ADGRE1: variants seen among roughly 807,000 people sequenced by gnomAD.
ADGRE1 encodes the protein EGF-like module receptor 1.
Under a neutral mutation model 102.7 loss-of-function variants are expected in ADGRE1, and 82 were observed. The observed-to-expected ratio is 0.80, with a 90% CI of 0.67 to 0.96. The LOEUF (loss-of-function observed/expected upper bound fraction) is 0.96. Ranked by LOEUF, ADGRE1 falls within the 40% of genes least tolerant of loss-of-function variation. The pLI is 0.00. For synonymous variants in ADGRE1, 398 were observed against 399.6 expected (o/e 1.00, Z 0.05); for missense variants, 1,032 against 1,085.3 (o/e 0.95, Z 0.69).
At chr19:6,918,461 G>A (rs576900446) in intron 12 of ADGRE1, among the ~76,000 whole-genome samples, 1 of 152,038 alleles carries the variant, frequency 6.6e-6, no homozygotes, top group East Asian at 1.9e-4. Context: ...GAAGATGGGA[G>A]AGGAATTGCT....
chr19:6,936,034 A>G (rs1300086237), intron 18 of ADGRE1, among the ~76,000 whole-genome samples: 2 of 152,192 alleles, frequency 1.3e-5, no homozygotes, highest in East Asian at 3.8e-4. Flanking sequence ...AACTTCAGCA[A>G]CCATCATCTA....
chr19:6,929,197 G>C (rs1975043336), intron 17 of ADGRE1, among the ~76,000 whole-genome samples: 1 of 152,176 alleles, frequency 6.6e-6, no homozygotes, highest in African/African-American at 2.4e-5. Flanking sequence ...CAAGGAGTGA[G>C]TTTAAGAGCA....
chr19:6,917,159 A>T (rs907766971), intron 12 of ADGRE1, among the ~76,000 whole-genome samples: 4 of 98,028 alleles, frequency 4.1e-5, no homozygotes, highest in Non-Finnish European at 9.1e-5. Context: ...AACTTTATTT[A>T]AAAAAGTAGG....
At position 6,908,789 on chromosome 19, in the gene ADGRE1, T is replaced by A. The variant is rs1289599057; in HGVS notation, c.1122+17T>A. 1 of 1,594,796 alleles carries A rather than the reference T, an allele frequency of 6.3e-7. No homozygotes were observed. Among genetic ancestry groups the A allele is most frequent in the African/African-American group, 1.4e-5 (1 of 73,444 alleles). ...TCTCTGAAGGTAACGATTGGGTCTTTTAAATTGTGTTTTGAGTTTCAAACA... is the reference window on the plus strand; with the variant it reads ...TCTCTGAAGGTAACGATTGGGTCTTATAAATTGTGTTTTGAGTTTCAAACA... On this transcript the variant is annotated intron_variant, in intron 10 of 20. Coordinates refer to ENST00000312053, the MANE Select transcript of ADGRE1 (RefSeq NM_001974.5).
At chr19:6,900,591 T>G (rs1973731349) in intron 5 of ADGRE1, among the ~76,000 whole-genome samples, 1 of 152,232 alleles carries the variant, frequency 6.6e-6, no homozygotes, top group South Asian at 2.1e-4. Context: ...CTTGCCTTTT[T>G]CAGTCTTATT....
intron 17 of ADGRE1, among the ~76,000 whole-genome samples, chr19:6,928,824 C>T (rs1372150801): frequency 6.6e-6 from 1 of 151,908 alleles, no homozygotes; most frequent in Non-Finnish European, 1.5e-5. Flanking sequence ...ATCCCAGCTA[C>T]TCAGGAGGCT....
chr19:6,933,896 A>G (rs4527134), intron 17 of ADGRE1, among the ~76,000 whole-genome samples: 46,929 of 151,894 alleles, frequency 0.31, 8,839 homozygotes, highest in African/African-American at 0.54. Flanking sequence ...CTTGCTCAGG[A>G]ATGCTTTTGA....
chr19:6,936,943 A>G (rs1170778561), intron 18 of ADGRE1, among the ~76,000 whole-genome samples: 6 of 152,090 alleles, frequency 3.9e-5, no homozygotes, highest in African/African-American at 1.4e-4. Flanking sequence ...TTTTTAGTAG[A>G]GATGGGTTTT....
Position 6,921,884 on chromosome 19 carries a change from G to T in ADGRE1, c.1791+1G>T. ...TATCATGGCGTCTGGGGAGCTCACGGTCAGTACTGATGATTTGTTCCCTGA... is the reference window on the plus strand; with the variant it reads ...TATCATGGCGTCTGGGGAGCTCACGTTCAGTACTGATGATTTGTTCCCTGA... On this transcript the variant is annotated splice_donor_variant, in intron 14 of 20. Transcript: ENST00000312053. LOFTEE classifies it high-confidence loss of function. 2 of 1,611,174 alleles carry T rather than the reference G, an allele frequency of 1.2e-6. No individual in the cohort carries two copies. Among genetic ancestry groups the T allele is most frequent in the Non-Finnish European group, 1.7e-6 (2 of 1,178,674 alleles).
Position 6,911,912 on chromosome 19 carries a change from CACAT to C in ADGRE1, c.1123-1737_1123-1734del, listed in dbSNP as rs1170416724. On this transcript the variant is annotated intron_variant, in intron 10 of 20. Coordinates refer to ENST00000312053, the MANE Select transcript of ADGRE1 (RefSeq NM_001974.5). ...CACATACACCCCACACACATTTACA[CACAT>C]ACACACATGTATACACACATCTATG... is the stretch of plus-strand genomic sequence containing the variant. 2.0e-5 allele frequency among the ~76,000 whole-genome samples: 3 copies of C among 151,918 alleles called. No individual in the cohort carries two copies. In the East Asian group the frequency reaches 5.8e-4, roughly 29 times the overall value.
chr19:6,926,315 C>G (rs74558163), intron 15 of ADGRE1, 51 bp from the exon 16 acceptor site: 47 of 1,592,832 alleles, frequency 3.0e-5, no homozygotes, highest in Non-Finnish European at 3.8e-5. Flanking sequence ...TTCTTCCTTT[C>G]GATTTCTCTC....
At chr19:6,892,084 A>G (rs1296367069) in intron 2 of ADGRE1, among the ~76,000 whole-genome samples, 1 of 152,122 alleles carries the variant, frequency 6.6e-6, no homozygotes, top group Non-Finnish European at 1.5e-5. Flanking sequence ...GAAGAGAATG[A>G]TGGGAAACTT....
chr19:6,939,704 T>G (rs192610219), intron 20 of ADGRE1, among the ~76,000 whole-genome samples: 1 of 152,250 alleles, frequency 6.6e-6, no homozygotes, highest in African/African-American at 2.4e-5. Context: ...CCCAGAAAAC[T>G]CTCAGATTTC....
chr19:6,925,650 C>T (rs1974868979), intron 15 of ADGRE1, among the ~76,000 whole-genome samples: 1 of 152,102 alleles, frequency 6.6e-6, no homozygotes, highest in African/African-American at 2.4e-5. Context: ...GATAATGCTA[C>T]AGTTTAGAAT....
chr19:6,900,922 A>G (rs551812979), intron 5 of ADGRE1, among the ~76,000 whole-genome samples: 1 of 152,358 alleles, frequency 6.6e-6, no homozygotes, highest in East Asian at 1.9e-4. Context: ...TAAGTGGTCT[A>G]TTCTAGCCAG....
intron 16 of ADGRE1, among the ~76,000 whole-genome samples, chr19:6,926,965 A>C (rs1839920478): frequency 1.3e-5 from 2 of 152,096 alleles, no homozygotes. Context: ...AGGCCGAAGC[A>C]GAAGAATCAC....
rs1974281010 is a variant in ADGRE1 at position 6,913,693 on chromosome 19, C to A, written c.1163C>A (p.Ser388Tyr). The A allele has an allele frequency of 6.2e-7, 1 of 1,611,836 alleles. No homozygotes were observed. Residue 388 changes from serine (S) to tyrosine (Y), a missense_variant, in exon 11 of 21, where the codon TCC becomes TAC. Transcript: ENST00000312053. ...TTTGTCCCTGTGCTTAAACAAATAT[C>A]CACGTGGACTAAATTCACCAAGGAA... ...ESFVPVLKQI[S>Y]TWTKFTKEET...
chr19:6,939,722 C>G (rs1975591942), intron 20 of ADGRE1, among the ~76,000 whole-genome samples: 1 of 152,112 alleles, frequency 6.6e-6, no homozygotes. Context: ...TTCCCTTTAC[C>G]TAATTGGTCA....
chr19:6,900,430 C>T (rs1973725331), intron 5 of ADGRE1, among the ~76,000 whole-genome samples: 1 of 152,092 alleles, frequency 6.6e-6, no homozygotes, highest in South Asian at 2.1e-4. Flanking sequence ...GGCTGCAGTG[C>T]ACTATGCTTG....
Sources: allele counts gnomAD v4.1 joint callset (sites outside exome capture counted in the v4.1 genomes callset), GRCh38; gene constraint gnomAD v4.1.1; transcripts MANE v1.5; gene names NCBI Gene and HGNC (gene_info 2026-07-23, HGNC 2026-07-21).